Variants in ZNF277 observed in about 807,000 individuals in gnomAD.
ZNF277 encodes the protein nuclear receptor-interacting factor 4.
Under a neutral mutation model 60.7 loss-of-function variants are expected in ZNF277, and 55 were observed. The observed-to-expected ratio is 0.91, with a 90% CI of 0.73 to 1.13. The LOEUF (loss-of-function observed/expected upper bound fraction) is 1.13, where lower values mean the gene tolerates loss of function less well. Among genes scored for constraint, ZNF277 ranks in the 50% most tolerant of loss-of-function variants. The probability of loss-of-function intolerance (pLI) is 0.00; values close to 1 mark genes in which losing one functional copy is unlikely to be tolerated. For synonymous variants in ZNF277, 178 were observed against 179.3 expected, an observed-to-expected ratio of 0.99 and a Z score of 0.06; for missense variants, 510 against 523.0, an observed-to-expected ratio of 0.98 and a Z score of 0.24.
At chr7:112,231,066 T>G (rs1822313762) in intron 1 of ZNF277, among the ~76,000 whole-genome samples, 1 of 151,938 alleles carries the variant, frequency 6.6e-6, no homozygotes, top group South Asian at 2.1e-4. Context: ...CACAAAAAAT[T>G]AGCTGGGCGT....
At chr7:112,244,000 A>C (rs1791021625) in intron 1 of ZNF277, among the ~76,000 whole-genome samples, 1 of 152,154 alleles carries the variant, frequency 6.6e-6, no homozygotes, top group Non-Finnish European at 1.5e-5. Context: ...ATTTTGCAAC[A>C]ACATGGATAG....
intron 2 of ZNF277, among the ~76,000 whole-genome samples, chr7:112,294,146 A>C (rs928394493): frequency 6.6e-6 from 1 of 152,202 alleles, no homozygotes; most frequent in Non-Finnish European, 1.5e-5. Context: ...TGTCATTTTT[A>C]TTCTCTTAAG....
intron 2 of ZNF277, chr7:112,288,411 C>G (rs746762670): frequency 6.6e-6 from 1 of 152,154 alleles, no homozygotes. Context: ...CAGCTTCTTT[C>G]TTATGATAGG....
intron 1 of ZNF277, among the ~76,000 whole-genome samples, chr7:112,240,047 T>C (rs1790909264): frequency 6.6e-6 from 1 of 152,168 alleles, no homozygotes; most frequent in South Asian, 2.1e-4. Flanking sequence ...TTTAAAATAA[T>C]GGGTTAGAAG....
At chr7:112,244,679 A>G (rs989167251) in intron 1 of ZNF277, among the ~76,000 whole-genome samples, 1 of 152,072 alleles carries the variant, frequency 6.6e-6, no homozygotes, top group Non-Finnish European at 1.5e-5. Context: ...AGTTTTCTCT[A>G]TTACCTCTTT....
rs553141641 is a variant in ZNF277 at position 112,286,727 on chromosome 7, C to A, written c.92-146C>A. On this transcript the variant is annotated intron_variant, in intron 1 of 11. Coordinates refer to ENST00000361822, the MANE Select transcript of ZNF277 (RefSeq NM_021994.3). ...TAAAATGATAATAAAGTATCCTACT[C>A]TCCAGCACTATGTATTTTTCTTTTT... 3.2e-5 allele frequency: 22 copies of A among 693,104 alleles called. 1 individual carries two copies. The South Asian group carries it at 4.0e-4, about 13-fold the overall frequency. The allele number at this position is 693,104 out of a possible 1,614,324, so 42.9% of individuals were successfully genotyped here. A position where few individuals can be genotyped will look rare whatever the true frequency, so the allele number is the denominator to read the frequency against.
chr7:112,307,436 G>C lies in ZNF277; in HGVS notation c.466-10746G>C, dbSNP rs186002885. ...TTATTTCTTTTTTTTGTTTGTTTTT[G>C]AGACAGTCTCACTCTGTCGCCAGGC... On this transcript the variant is annotated intron_variant, in intron 4 of 11. Coordinates refer to ENST00000361822, the MANE Select transcript of ZNF277 (RefSeq NM_021994.3). 1.9e-3 allele frequency among the ~76,000 whole-genome samples: 295 copies of C among 151,778 alleles called. 4 individuals carry two copies. The highest frequency in any genetic ancestry group is 2.5e-3 in the Non-Finnish European group (172 of 67,902).
intron 4 of ZNF277, 69 bp downstream of exon 4, chr7:112,296,380 GT>G (rs11295465): frequency 0.16 from 84,005 of 523,896 alleles, 671 homozygotes; most frequent in African/African-American, 0.19. Context: ...AATCATATTG[GT>G]TTTTTTTTTT....
chr7:112,238,265 G>T (rs1790855682), intron 1 of ZNF277, among the ~76,000 whole-genome samples: 1 of 152,220 alleles, frequency 6.6e-6, no homozygotes, highest in Non-Finnish European at 1.5e-5. Flanking sequence ...CGCAGTAATT[G>T]TGGGGCATTG....
intron 1 of ZNF277, among the ~76,000 whole-genome samples, chr7:112,229,249 C>T (rs1167914734): frequency 6.6e-6 from 1 of 152,094 alleles, no homozygotes; most frequent in Non-Finnish European, 1.5e-5. Context: ...TATGGTTGCC[C>T]TCATGGAAGA....
intron 1 of ZNF277, among the ~76,000 whole-genome samples, chr7:112,276,192 G>T (rs193107273): frequency 1.3e-5 from 2 of 152,180 alleles, no homozygotes; most frequent in African/African-American, 2.4e-5. Context: ...CCGGCCCATC[G>T]TGGGGGAATC....
At chr7:112,234,299 A>T (rs1339632190) in intron 1 of ZNF277, among the ~76,000 whole-genome samples, 1 of 152,178 alleles carries the variant, frequency 6.6e-6, no homozygotes, top group African/African-American at 2.4e-5. Flanking sequence ...TGGCTTGTAA[A>T]CAACAAGAAT....
chr7:112,274,199 C>A (rs915230662), intron 1 of ZNF277, among the ~76,000 whole-genome samples: 3 of 151,954 alleles, frequency 2.0e-5, no homozygotes, highest in African/African-American at 7.3e-5. Context: ...GCTCTGTCAC[C>A]CAGGCTGGCG....
At chr7:112,211,419 A>T (rs1821746524) in intron 1 of ZNF277, among the ~76,000 whole-genome samples, 1 of 152,184 alleles carries the variant, frequency 6.6e-6, no homozygotes, top group African/African-American at 2.4e-5. Context: ...ATTACTGCTG[A>T]ATTACCTACC....
At chr7:112,229,682 C>CT (rs763329712) in intron 1 of ZNF277, among the ~76,000 whole-genome samples, 85 of 152,280 alleles carry the variant, frequency 5.6e-4, no homozygotes, top group Admixed American at 1.0e-3. Context: ...GTGCTAGGCC[C>CT]TAAAGCCACC....
chr7:112,336,142 T>C lies in ZNF277; in HGVS notation c.840T>C (p.Asp280=). The change falls in exon 8 of 12, where the codon GAT becomes GAC. Residue 280 remains aspartate, a synonymous_variant. Transcript: ENST00000361822. ...CGTGGGAAGAAGTTCAGTTGGAAGATGATCGGGAGTTGCTGGACCATCAGG... is the reference window on the plus strand; with the variant it reads ...CGTGGGAAGAAGTTCAGTTGGAAGACGATCGGGAGTTGCTGGACCATCAGG... The part of the protein sequence containing the change: ...GKSWEEVQLE[D]DRELLDHQED... 1 of 1,611,122 alleles carries C rather than the reference T, an allele frequency of 6.2e-7. No homozygotes were observed. The highest frequency in any genetic ancestry group is 8.5e-7 in the Non-Finnish European group (1 of 1,178,390).
chr7:112,247,345 GA>G (rs1366598590), intron 1 of ZNF277, among the ~76,000 whole-genome samples: 2 of 152,136 alleles, frequency 1.3e-5, no homozygotes, highest in African/African-American at 2.4e-5. Context: ...AATAGGTGCA[GA>G]AAAGTTCAAA....
chr7:112,311,729 G>A (rs1459385255), intron 4 of ZNF277, among the ~76,000 whole-genome samples: 1 of 151,666 alleles, frequency 6.6e-6, no homozygotes, highest in African/African-American at 2.4e-5. Context: ...AAAAAAAGAG[G>A]GAGAAAAGGA....
chr7:112,335,193 GAAC>G (rs1563233029), intron 7 of ZNF277, among the ~76,000 whole-genome samples: 1 of 152,084 alleles, frequency 6.6e-6, no homozygotes, highest in Non-Finnish European at 1.5e-5. Flanking sequence ...AAAGGATATT[GAAC>G]AACAAAGCTA....
Sources: gnomAD v4.1 joint callset for allele counts (sites outside exome capture counted in the v4.1 genomes callset) on GRCh38, gnomAD v4.1.1 for gene constraint, MANE v1.5 for transcripts, NCBI Gene and HGNC (gene_info 2026-07-23, HGNC 2026-07-21) for gene names.